DIP2A: variants seen among roughly 807,000 people sequenced by gnomAD.
DIP2A encodes disco-interacting protein 2 homolog A.
In DIP2A, 85 loss-of-function variants were observed where a neutral mutation model predicts 177.4. The ratio of observed to expected loss-of-function variants is 0.48; its 90% CI spans 0.40 to 0.57. The LOEUF (loss-of-function observed/expected upper bound fraction) is 0.57. Among genes scored for constraint, DIP2A ranks in the 20% least tolerant of loss-of-function variants. DIP2A has a pLI of 0.00. For synonymous variants in DIP2A, 886 were observed against 881.8 expected (o/e 1.00, Z -0.08); for missense variants, 1,791 against 2,100.2 (o/e 0.85, Z 2.88).
rs776333709 is a variant in DIP2A at position 46,538,605 on chromosome 21, G to A, written c.1921+3G>A. 6.5e-6 allele frequency: 10 copies of A among 1,549,534 alleles called. No homozygotes were observed. Among genetic ancestry groups the A allele is most frequent in the Non-Finnish European group, 8.7e-6 (10 of 1,148,294 alleles). ...TGTGGCCGATGGTGCCAACCCGTGT[G>A]AGTGAGCCTGTGTGCCCGGCGCATA... is the stretch of plus-strand genomic sequence containing the variant. On this transcript the variant is annotated splice_donor_region_variant and intron_variant, in intron 16 of 37. Transcript: ENST00000417564.
chr21:46,528,527 C>CTTTTTTTTTTTTTTTTTTTTTT lies in DIP2A; in HGVS notation c.1103-545_1103-524dup, dbSNP rs1162872343. On this transcript the variant is annotated intron_variant, in intron 8 of 37. Coordinates refer to ENST00000417564, the MANE Select transcript of DIP2A (RefSeq NM_015151.4). ...ACCAAATACTGACTTTTTCTGCTTG[C>CTTTTTTTTTTTTTTTTTTTTTT]TTTTTTTTTTTTTTTTTTTTTTTTT... Among the ~76,000 whole-genome samples, 6 of 29,408 alleles carry CTTTTTTTTTTTTTTTTTTTTTT rather than the reference C, an allele frequency of 2.0e-4. 2 individuals are homozygous for CTTTTTTTTTTTTTTTTTTTTTT. The highest frequency in any genetic ancestry group is 2.8e-4 in the Non-Finnish European group (5 of 17,978). The allele number at this position is 29,408 out of a possible 152,430, so 19.3% of individuals were successfully genotyped here.
At chr21:46,560,610 C>T (rs1029784768) in intron 32 of DIP2A, 112 bp from the exon 33 acceptor site, 2 of 1,454,440 alleles carry the variant, frequency 1.4e-6, no homozygotes, top group African/African-American at 2.8e-5. Flanking sequence ...GAGCTGCTAC[C>T]TTCTTGGGTG....
Position 46,498,799 on chromosome 21 carries a change from T to C in DIP2A, c.621T>C (p.Thr207=). The part of the protein sequence containing the change: ...AAATPGAAAT[T]ALAGLEAHTH... ...CCACGCCGGGGGCCGCCGCTACCAC[T>C]GCACTCGCAGGCCTCGAGGCCCACA... The change falls in exon 5 of 38, where the codon ACT becomes ACC. Residue 207 remains threonine (T), a synonymous_variant. Transcript: ENST00000417564. The surrounding 1 kb of genome is among the most constrained non-coding windows in gnomAD (Gnocchi z 4.3). 2 of 1,613,712 alleles carry C rather than the reference T, an allele frequency of 1.2e-6. No homozygotes were observed. The highest frequency in any genetic ancestry group is 1.7e-4 in the Middle Eastern group (1 of 6,060).
chr21:46,557,663 C>T lies in DIP2A; in HGVS notation c.3708C>T (p.Val1236=). 6.2e-7 allele frequency: 1 copy of T among 1,613,470 alleles called. No individual in the cohort carries two copies. Among genetic ancestry groups the T allele is most frequent in the Non-Finnish European group, 8.5e-7 (1 of 1,179,848 alleles). The change falls in exon 31 of 38, where the codon GTC becomes GTT. Residue 1236 remains valine, a synonymous_variant. Transcript: ENST00000417564. The surrounding 1 kb of genome is among the most constrained non-coding windows in gnomAD (Gnocchi z 6.0). ...ACGTGTCCCTGTGGCTGTCGGCCGT[C>T]AGCCAGTACAAGGCCCGCGTCACCT... ...ESNVSLWLSA[V]SQYKARVTFC...
chr21:46,482,398 G>A (rs1261664303), intron 1 of DIP2A, among the ~76,000 whole-genome samples: 1 of 152,216 alleles, frequency 6.6e-6, no homozygotes, highest in Non-Finnish European at 1.5e-5. Flanking sequence ...TCACGTGTTT[G>A]TGGTGATGCT....
At chr21:46,518,496 T>G (rs2058681614) in intron 8 of DIP2A, among the ~76,000 whole-genome samples, 1 of 152,220 alleles carries the variant, frequency 6.6e-6, no homozygotes, top group African/African-American at 2.4e-5. Context: ...CTAAATAGAT[T>G]GAGATCTTTC....
chr21:46,495,281 T>TCTCTC (rs1555883154), intron 3 of DIP2A, among the ~76,000 whole-genome samples: 4 of 147,552 alleles, frequency 2.7e-5, no homozygotes, highest in Non-Finnish European at 3.0e-5. Flanking sequence ...TCTCTCTCTG[T>TCTCTC]TTTTGAGATG....
chr21:46,556,059 G>T lies in DIP2A; in HGVS notation c.3466G>T (p.Val1156Leu), dbSNP rs1361404702. ...TGTCCTCGCATACTTGGACTTCAGC[G>T]TGTCAACCACTGGGATATTAGCGGG... is the stretch of plus-strand genomic sequence containing the variant. ...PDVLAYLDFSVSTTGILAGVK... is the reference protein window; with the variant it reads ...PDVLAYLDFSLSTTGILAGVK... The change falls in exon 29 of 38, where the codon GTG becomes TTG. Residue 1156 changes from valine to leucine, a missense_variant. Physicochemically the swap from Val to Leu is conservative, Grantham distance 32. Coordinates refer to ENST00000417564, the MANE Select transcript of DIP2A (RefSeq NM_015151.4). This position sits in a 1 kb window ranked among gnomAD's most constrained non-coding sequence, Gnocchi z 4.5. The T allele has an allele frequency of 3.1e-6, 5 of 1,613,800 alleles. No individual in the cohort carries two copies. Among genetic ancestry groups the T allele is most frequent in the Non-Finnish European group, 4.2e-6 (5 of 1,179,856 alleles).
intron 1 of DIP2A, among the ~76,000 whole-genome samples, chr21:46,477,240 A>G (rs2055929398): frequency 1.3e-5 from 2 of 152,048 alleles, no homozygotes; most frequent in Non-Finnish European, 2.9e-5. Context: ...ATCAAAACTA[A>G]AGATTTATAC....
intron 1 of DIP2A, among the ~76,000 whole-genome samples, chr21:46,483,724 A>G (rs2056506855): frequency 6.6e-6 from 1 of 152,272 alleles, no homozygotes; most frequent in Non-Finnish European, 1.5e-5. Context: ...TATGTACTCA[A>G]TAAATGACAT....
intron 1 of DIP2A, among the ~76,000 whole-genome samples, chr21:46,472,249 A>C (rs2055450887): frequency 6.6e-6 from 1 of 152,234 alleles, no homozygotes; most frequent in Non-Finnish European, 1.5e-5. Context: ...ACCAGAAATG[A>C]ACCCTCTGGC....
intron 8 of DIP2A, among the ~76,000 whole-genome samples, chr21:46,524,458 A>G (rs939349778): frequency 3.9e-5 from 6 of 152,096 alleles, no homozygotes; most frequent in Admixed American, 1.3e-4. Context: ...AAAGTCGGCC[A>G]ATTGGTGCTG....
chr21:46,503,669 CTTTCTTTCTTTCT>C (rs2057815915), intron 5 of DIP2A, among the ~76,000 whole-genome samples: 4 of 125,586 alleles, frequency 3.2e-5, no homozygotes, highest in Non-Finnish European at 4.9e-5. Context: ...CTTTCTTTTT[CTTTCTTTCTTTCT>C]TTTCTTTCTT....
Position 46,511,517 on chromosome 21 carries a change from G to A in DIP2A, c.1005G>A (p.Leu335=), listed in dbSNP as rs549965425. ...LTAGVPRPPS[L]LATLQRWGTT... ...CAGGTGTCCCCCGACCGCCGTCGCT[G>A]TTGGCCACCTTGCAGCGCTGGGGCA... The change falls in exon 8 of 38, where the codon CTG becomes CTA. Residue 335 remains leucine (L), a synonymous_variant. Transcript: ENST00000417564. The A allele has an allele frequency of 1.2e-6, 2 of 1,612,592 alleles. No individual in the cohort carries two copies. The highest frequency in any genetic ancestry group is 1.7e-4 in the Middle Eastern group (1 of 6,050).
Position 46,560,793 on chromosome 21 carries a change from C to G in DIP2A, c.4031+10C>G. 6.2e-7 allele frequency: 1 copy of G among 1,601,246 alleles called. No homozygotes were observed. The highest frequency in any genetic ancestry group is 2.3e-5 in the East Asian group (1 of 44,206). On this transcript the variant is annotated intron_variant, in intron 33 of 37. Transcript: ENST00000417564. ...CACTGCGCCATGACAGGTAATGCTC[C>G]CAGCCTGCCTGGGCCCCATGGATAC...
At chr21:46,566,422 A>G in intron 36 of DIP2A, 138 bp from the exon 37 acceptor site, 12 of 1,152,126 alleles carry the variant, frequency 1.0e-5, no homozygotes, top group Non-Finnish European at 1.5e-5. Flanking sequence ...CCCTTTCTGC[A>G]CGTGGTGTGC....
At chr21:46,572,070 G>A (rs570591014), downstream of DIP2A, among the ~76,000 whole-genome samples, 6 of 151,930 alleles carry the variant, frequency 3.9e-5, no homozygotes, top group Non-Finnish European at 5.9e-5. Flanking sequence ...TTTGAGATAT[G>A]GTCCACCAAT....
chr21:46,500,487 A>G (rs1251503450), intron 5 of DIP2A, among the ~76,000 whole-genome samples: 2 of 152,246 alleles, frequency 1.3e-5, no homozygotes, highest in Non-Finnish European at 2.9e-5. Context: ...GTAGAAATAC[A>G]TAGTTAACTC....
At chr21:46,474,942 G>T (rs2055712482) in intron 1 of DIP2A, among the ~76,000 whole-genome samples, 1 of 152,194 alleles carries the variant, frequency 6.6e-6, no homozygotes, top group South Asian at 2.1e-4. Flanking sequence ...AGGAGGATGG[G>T]AGGTGGTAAT....
Sources: allele counts gnomAD v4.1 joint callset (sites outside exome capture counted in the v4.1 genomes callset), GRCh38; gene constraint gnomAD v4.1.1; non-coding constraint Gnocchi (gnomAD v3.1); transcripts MANE v1.5; gene names NCBI Gene and HGNC (gene_info 2026-07-23, HGNC 2026-07-21).